The following GPAT3 variants were observed in gnomAD, a reference collection of about 807,000 sequenced individuals.
GPAT3 encodes 1-AGP acyltransferase 9.
In GPAT3, 53 loss-of-function variants were observed where a neutral mutation model predicts 58.8. That is an observed-to-expected ratio of 0.90 (90% CI 0.72 to 1.13). GPAT3 has a LOEUF of 1.13. Among genes scored for constraint, GPAT3 ranks in the 50% most tolerant of loss-of-function variants. The pLI is 0.00. For missense variants in GPAT3, 511 were observed against 527.6 expected, an observed-to-expected ratio of 0.97 and a Z score of 0.31; for synonymous variants, 197 against 187.4, an observed-to-expected ratio of 1.05 and a Z score of -0.42.
intron 2 of GPAT3, among the ~76,000 whole-genome samples, chr4:83,546,081 T>G (rs1445365231): frequency 2.0e-5 from 3 of 152,134 alleles, no homozygotes; most frequent in African/African-American, 7.2e-5. Context: ...GCCTCCCAGG[T>G]TCAAGTGATT....
chr4:83,537,002 C>T (rs1326636974), intron 1 of GPAT3, among the ~76,000 whole-genome samples: 2 of 152,072 alleles, frequency 1.3e-5, no homozygotes, highest in Admixed American at 1.3e-4. Context: ...TGGTCGAAGG[C>T]GAAAAAATCA....
At chr4:83,550,872 G>A (rs1164921609) in intron 2 of GPAT3, among the ~76,000 whole-genome samples, 1 of 152,140 alleles carries the variant, frequency 6.6e-6, no homozygotes, top group Admixed American at 6.5e-5. Context: ...AACTGATTCT[G>A]ATAAAACTCA....
intron 11 of GPAT3, among the ~76,000 whole-genome samples, chr4:83,598,931 A>G (rs1338334245): frequency 6.6e-6 from 1 of 151,698 alleles, no homozygotes; most frequent in East Asian, 1.9e-4. Flanking sequence ...CTGGGACTAC[A>G]AGTGCTTGCC....
intron 3 of GPAT3, among the ~76,000 whole-genome samples, chr4:83,584,307 C>A (rs1726283551): frequency 6.6e-6 from 1 of 152,160 alleles, no homozygotes; most frequent in Non-Finnish European, 1.5e-5. Context: ...GTGATATAAG[C>A]ATCCAAGAAC....
chr4:83,579,999 T>G (rs1726046699), intron 2 of GPAT3, among the ~76,000 whole-genome samples: 1 of 152,186 alleles, frequency 6.6e-6, no homozygotes, highest in South Asian at 2.1e-4. Context: ...AATTACTATC[T>G]CAAAAGAAAA....
In GPAT3 at chr4:83,604,922, G is replaced by T; in HGVS notation, c.*155G>T. ...CTTTATGCCAGAGGCAGAACCTACA[G>T]GTGCCCTTTTTGGCTTTTGTTGTTG... On this transcript the variant is annotated 3_prime_UTR_variant, in exon 12 of 12. Transcript: ENST00000264409. 1.6e-6 allele frequency: 1 copy of T among 641,540 alleles called. No individual in the cohort carries two copies. Among genetic ancestry groups the T allele is most frequent in the Admixed American group, 3.2e-5 (1 of 31,034 alleles). The allele number at this position is 641,540 out of a possible 1,614,324, so 39.7% of individuals were successfully genotyped here.
At chr4:83,540,509 A>G (rs1456799416) in intron 1 of GPAT3, among the ~76,000 whole-genome samples, 1 of 152,136 alleles carries the variant, frequency 6.6e-6, no homozygotes, top group African/African-American at 2.4e-5. Flanking sequence ...AGAAATAGCT[A>G]TTTATGGGGA....
At chr4:83,584,416 A>C (rs972261150) in intron 3 of GPAT3, among the ~76,000 whole-genome samples, 1 of 152,238 alleles carries the variant, frequency 6.6e-6, no homozygotes, top group Non-Finnish European at 1.5e-5. Context: ...CACCTACTAC[A>C]AAATGAGCTT....
In GPAT3 at chr4:83,579,067, T is replaced by C. The variant is rs868501982; in HGVS notation, c.209-2495T>C. ...CTTTCTTTCTTTCTTTCTTTCTTTC[T>C]TTCTTTCTTTCTTCCCTTCCTTCCT... On this transcript the variant is annotated intron_variant, in intron 2 of 11. Coordinates refer to ENST00000264409, the MANE Select transcript of GPAT3 (RefSeq NM_032717.5). Among the ~76,000 whole-genome samples, 186 of 30,370 alleles carry C rather than the reference T, an allele frequency of 6.1e-3. 19 individuals are homozygous for C. Among genetic ancestry groups the C allele is most frequent in the Middle Eastern group, 0.023 (1 of 44 alleles). The allele number at this position is 30,370 out of a possible 152,430, so 19.9% of individuals were successfully genotyped here. A position where few individuals can be genotyped will look rare whatever the true frequency, so the allele number is the denominator to read the frequency against.
At chr4:83,574,514 T>A (rs1008855220) in intron 2 of GPAT3, among the ~76,000 whole-genome samples, 1 of 152,094 alleles carries the variant, frequency 6.6e-6, no homozygotes, top group Non-Finnish European at 1.5e-5. Context: ...TGTAATTTTA[T>A]CTTCATCCAA....
chr4:83,593,317 A>G (rs1300170588), intron 6 of GPAT3, among the ~76,000 whole-genome samples: 1 of 150,490 alleles, frequency 6.6e-6, no homozygotes, highest in Non-Finnish European at 1.5e-5. Context: ...GGTGACCATC[A>G]CCACACCCAG....
chr4:83,581,494 A>T, intron 2 of GPAT3, 68 bp from the exon 3 acceptor site: 1 of 1,515,402 alleles, frequency 6.6e-7, no homozygotes, highest in Non-Finnish European at 8.9e-7. Context: ...CTACACAGTT[A>T]AAGTTGCCCT....
intron 11 of GPAT3, among the ~76,000 whole-genome samples, chr4:83,600,669 AT>A (rs111602651): frequency 6.6e-6 from 1 of 151,446 alleles, no homozygotes; most frequent in African/African-American, 2.4e-5. Flanking sequence ...TCCCCAGCTA[AT>A]TTTTTTTGTA....
At chr4:83,578,653 A>G (rs1725905943) in intron 2 of GPAT3, among the ~76,000 whole-genome samples, 1 of 152,188 alleles carries the variant, frequency 6.6e-6, no homozygotes, top group Non-Finnish European at 1.5e-5. Context: ...GCACTGCTAA[A>G]TACTGGCCAG....
At chr4:83,564,200 C>G (rs961592521) in intron 2 of GPAT3, among the ~76,000 whole-genome samples, 2 of 152,124 alleles carry the variant, frequency 1.3e-5, no homozygotes, top group Admixed American at 1.3e-4. Flanking sequence ...AAATATATGT[C>G]TAACTTTTGG....
At chr4:83,599,564 G>A (rs1726978807) in intron 11 of GPAT3, among the ~76,000 whole-genome samples, 1 of 152,174 alleles carries the variant, frequency 6.6e-6, no homozygotes, top group Admixed American at 6.5e-5. Context: ...ATTTGTGAGT[G>A]GGGTGGGCAT....
At chr4:83,572,280 C>G (rs1725636797) in intron 2 of GPAT3, among the ~76,000 whole-genome samples, 1 of 152,104 alleles carries the variant, frequency 6.6e-6, no homozygotes, top group Admixed American at 6.6e-5. Context: ...TATTGACTAA[C>G]TGAATGAATG....
At chr4:83,597,769 G>C (rs1726900536) in intron 9 of GPAT3, among the ~76,000 whole-genome samples, 1 of 152,100 alleles carries the variant, frequency 6.6e-6, no homozygotes, top group African/African-American at 2.4e-5. Flanking sequence ...TTCTGTTCCT[G>C]CTTTCATCAG....
At chr4:83,586,612 G>T (rs1182063845) in intron 3 of GPAT3, among the ~76,000 whole-genome samples, 1 of 152,134 alleles carries the variant, frequency 6.6e-6, no homozygotes, top group Admixed American at 6.6e-5. Context: ...TATTTATTTT[G>T]AAAGATTTTG....
Sources: gnomAD v4.1 joint callset for allele counts (sites outside exome capture counted in the v4.1 genomes callset) on GRCh38, gnomAD v4.1.1 for gene constraint, MANE v1.5 for transcripts, NCBI Gene and HGNC (gene_info 2026-07-23, HGNC 2026-07-21) for gene names.